Variants in ACSF2 observed in about 807,000 individuals in gnomAD.
ACSF2 encodes the protein medium-chain acyl-CoA ligase ACSF2, mitochondrial.
Under a neutral mutation model 79.3 loss-of-function variants are expected in ACSF2, and 52 were observed. That is an observed-to-expected ratio of 0.66 (90% CI 0.53 to 0.83). The LOEUF is 0.83. Ranked by LOEUF, ACSF2 falls within the 40% of genes least tolerant of loss-of-function variation. The probability of loss-of-function intolerance (pLI) is 0.00; values close to 1 mark genes in which losing one functional copy is unlikely to be tolerated. For synonymous variants in ACSF2, 283 were observed against 312.6 expected (o/e 0.91, Z 1.00); for missense variants, 661 against 803.3 (o/e 0.82, Z 2.14).
Position 50,474,791 on chromosome 17 carries a change from C to T in ACSF2, c.*239C>T, listed in dbSNP as rs551801289. 348 of 546,814 alleles carry T rather than the reference C, an allele frequency of 6.4e-4. 1 individual carries two copies. Among genetic ancestry groups the T allele is most frequent in the Non-Finnish European group, 1.1e-3 (329 of 308,888 alleles). The allele number at this position is 546,814 out of a possible 1,614,324, so 33.9% of individuals were successfully genotyped here. ...CCTCCTGTCCATCCCCCACATTCCC[C>T]TGTCTGTCCTTGTGATTTGGCATAA... On this transcript the variant is annotated 3_prime_UTR_variant, in exon 16 of 16. Coordinates refer to ENST00000300441, the MANE Select transcript of ACSF2 (RefSeq NM_025149.6). The surrounding 1 kb of genome is among the most constrained non-coding windows in gnomAD (Gnocchi z 4.2).
At chr17:50,432,897 G>A (rs533870647) in intron 1 of ACSF2, among the ~76,000 whole-genome samples, 1 of 152,318 alleles carries the variant, frequency 6.6e-6, no homozygotes, top group African/African-American at 2.4e-5. Flanking sequence ...AGAGGCTGGA[G>A]TTTGAGCCTG....
At position 50,474,016 on chromosome 17, in the gene ACSF2, C is replaced by T. The variant is rs371382988; in HGVS notation, c.1728+12C>T. The stretch of plus-strand genomic sequence containing the variant: ...TCTGCAAAGGGAAGGTGGGAGCCTC[C>T]GCTCAACCTAGCTGATGCTGCTCTG... On this transcript the variant is annotated intron_variant, in intron 14 of 15. Coordinates refer to ENST00000300441, the MANE Select transcript of ACSF2 (RefSeq NM_025149.6). This position sits in a 1 kb window ranked among gnomAD's most constrained non-coding sequence, Gnocchi z 4.2. 1.1e-4 allele frequency: 167 copies of T among 1,519,622 alleles called. No individual in the cohort carries two copies. The highest frequency in any genetic ancestry group is 5.7e-4 in the South Asian group (44 of 76,604). The allele number at this position is 1,519,622 out of a possible 1,614,324, so 94.1% of individuals were successfully genotyped here. A position where few individuals can be genotyped will look rare whatever the true frequency, so the allele number is the denominator to read the frequency against.
In ACSF2 at chr17:50,463,585, G is replaced by A. The variant is rs750482106; in HGVS notation, c.1046+33G>A. 1.2e-6 allele frequency: 2 copies of A among 1,608,120 alleles called. No homozygotes were observed. The highest frequency in any genetic ancestry group is 1.7e-6 in the Non-Finnish European group (2 of 1,176,616). ...CTGGTGGACAGGCTACTTGTGGGCT[G>A]ATAAAACCCTCTTCTTCCTCACTCC... On this transcript the variant is annotated intron_variant, in intron 8 of 15. Coordinates refer to ENST00000300441, the MANE Select transcript of ACSF2 (RefSeq NM_025149.6). The surrounding 1 kb of genome is among the most constrained non-coding windows in gnomAD (Gnocchi z 4.6).
intron 10 of ACSF2, chr17:50,469,082 GC>G: frequency 8.2e-7 from 1 of 1,225,638 alleles, no homozygotes; most frequent in Non-Finnish European, 1.0e-6. Context: ...TGGCCCCCGA[GC>G]CCCGAGCCCT....
At chr17:50,461,126 G>A in intron 2 of ACSF2, 116 bp from the exon 3 acceptor site, 1 of 1,487,030 alleles carries the variant, frequency 6.7e-7, no homozygotes, top group Non-Finnish European at 9.1e-7. Context: ...GAATCTGCCT[G>A]TCCCTTTGTC....
In ACSF2 at chr17:50,471,932, C is replaced by T. The variant is rs980649991; in HGVS notation, c.1324-496C>T. Among the ~76,000 whole-genome samples the T allele has an allele frequency of 1.3e-5, 2 of 152,144 alleles. No individual in the cohort carries two copies. Among genetic ancestry groups the T allele is most frequent in the Non-Finnish European group, 2.9e-5 (2 of 68,018 alleles). On this transcript the variant is annotated intron_variant, in intron 11 of 15. Coordinates refer to ENST00000300441, the MANE Select transcript of ACSF2 (RefSeq NM_025149.6). This position sits in a 1 kb window ranked among gnomAD's most constrained non-coding sequence, Gnocchi z 4.1. ...GGCAGGCATCACTCACCCCATTTCACGGACACAGACACTGAGGCACACAGA... is the reference window on the plus strand; with the variant it reads ...GGCAGGCATCACTCACCCCATTTCATGGACACAGACACTGAGGCACACAGA...
Position 50,474,416 on chromosome 17 carries a change from G to A in ACSF2, c.1798-86G>A. ...CCTGGTTTGCCTGGGGACTTTCCCT[G>A]TTTTGGCACTAAGAGCCTGAGAAAC... On this transcript the variant is annotated intron_variant, in intron 15 of 15. Transcript: ENST00000300441. The surrounding 1 kb of genome is among the most constrained non-coding windows in gnomAD (Gnocchi z 4.2). 1 of 1,540,284 alleles carries A rather than the reference G, an allele frequency of 6.5e-7. No homozygotes were observed. Among genetic ancestry groups the A allele is most frequent in the South Asian group, 1.1e-5 (1 of 89,220 alleles).
chr17:50,448,262 G>A (rs905692574), intron 1 of ACSF2, among the ~76,000 whole-genome samples: 3 of 152,162 alleles, frequency 2.0e-5, no homozygotes, highest in Non-Finnish European at 2.9e-5. Flanking sequence ...ATATCTAAAC[G>A]TAGAAAAGGT....
At chr17:50,464,355 C>A in intron 10 of ACSF2, 61 bp downstream of exon 10, 1 of 1,514,266 alleles carries the variant, frequency 6.6e-7, no homozygotes, top group Non-Finnish European at 9.2e-7. Context: ...AGCAGATGGA[C>A]AGACATGGGG....
rs1384930857 is a variant in ACSF2, at chr17:50,463,736, C to T, written c.1047-82C>T. 2 of 1,518,942 alleles carry T rather than the reference C, an allele frequency of 1.3e-6. No individual in the cohort carries two copies. The highest frequency in any genetic ancestry group is 2.7e-5 in the African/African-American group (2 of 72,946). The allele number at this position is 1,518,942 out of a possible 1,614,324, so 94.1% of individuals were successfully genotyped here. A position where few individuals can be genotyped will look rare whatever the true frequency, so the allele number is the denominator to read the frequency against. ...GAGCTTCTCCTGCCTATTCCCTTTG[C>T]TGCAGTTTCATGGCGGGGTGGGTGA... On this transcript the variant is annotated intron_variant, in intron 8 of 15. Coordinates refer to ENST00000300441, the MANE Select transcript of ACSF2 (RefSeq NM_025149.6). The surrounding 1 kb of genome is among the most constrained non-coding windows in gnomAD (Gnocchi z 4.6).
At chr17:50,466,235 C>T (rs766175405) in intron 10 of ACSF2, among the ~76,000 whole-genome samples, 16 of 151,056 alleles carry the variant, frequency 1.1e-4, no homozygotes, top group East Asian at 1.9e-4. Flanking sequence ...TACAAGTGCC[C>T]GCCACCATGC....
At chr17:50,472,278 C>T (rs2143809178) in intron 11 of ACSF2, 150 bp from the exon 12 acceptor site, 1 of 886,542 alleles carries the variant, frequency 1.1e-6, no homozygotes, top group East Asian at 3.0e-5. Flanking sequence ...TGTCTCCCTT[C>T]TCTGGATGGG....
Position 50,471,475 on chromosome 17 carries a change from C to A in ACSF2, c.1323+340C>A. 1 of 328,302 alleles carries A rather than the reference C, an allele frequency of 3.0e-6. No individual in the cohort carries two copies. Among genetic ancestry groups the A allele is most frequent in the East Asian group, 6.1e-5 (1 of 16,352 alleles). The allele number at this position is 328,302 out of a possible 1,614,324, so 20.3% of individuals were successfully genotyped here. A position where few individuals can be genotyped will look rare whatever the true frequency, so the allele number is the denominator to read the frequency against. On this transcript the variant is annotated intron_variant, in intron 11 of 15. Coordinates refer to ENST00000300441, the MANE Select transcript of ACSF2 (RefSeq NM_025149.6). This position sits in a 1 kb window ranked among gnomAD's most constrained non-coding sequence, Gnocchi z 4.1. ...CCAGAGCACAGAGAGTTTTCCTACACAGCTTCTTTTCCTCCAGTGGTGCTC... is the reference window on the plus strand; with the variant it reads ...CCAGAGCACAGAGAGTTTTCCTACAAAGCTTCTTTTCCTCCAGTGGTGCTC...
chr17:50,456,166 G>GC (rs1438636859), intron 1 of ACSF2, among the ~76,000 whole-genome samples: 1 of 152,060 alleles, frequency 6.6e-6, no homozygotes, highest in Non-Finnish European at 1.5e-5. Context: ...TGCCTGACAC[G>GC]CCCCAACCCC....
chr17:50,450,055 C>G (rs1463606463), intron 1 of ACSF2: 2 of 152,152 alleles, frequency 1.3e-5, no homozygotes, highest in Non-Finnish European at 2.9e-5. Context: ...TGGAGGCCTT[C>G]TTGCATATAT....
At chr17:50,466,063 G>A (rs2032689245) in intron 10 of ACSF2, among the ~76,000 whole-genome samples, 1 of 149,960 alleles carries the variant, frequency 6.7e-6, no homozygotes, top group South Asian at 2.1e-4. Context: ...GAGACAGATG[G>A]TGTTATTTTC....
chr17:50,444,107 T>A (rs1265509811), intron 1 of ACSF2, among the ~76,000 whole-genome samples: 1 of 152,196 alleles, frequency 6.6e-6, no homozygotes, highest in Non-Finnish European at 1.5e-5. Context: ...GATTACTGAT[T>A]TGTTCTATTT....
In ACSF2 at chr17:50,462,520, G is replaced by C. The variant is rs528153231; in HGVS notation, c.727G>C (p.Asp243His). 1.2e-6 allele frequency: 2 copies of C among 1,613,740 alleles called. No individual in the cohort carries two copies. The highest frequency in any genetic ancestry group is 2.2e-5 in the East Asian group (1 of 44,872). ...VAAGSTRQHL[D>H]QLQYNQQFLS... Reference sequence around the variant, plus strand: ...GGCTGGCAGCACACGGCAGCATCTGGACCAGCTCCAATACAACCAGCAGTT... The same window carrying C: ...GGCTGGCAGCACACGGCAGCATCTGCACCAGCTCCAATACAACCAGCAGTT... The change falls in exon 6 of 16, where the codon GAC becomes CAC. Residue 243 changes from aspartate (D) to histidine (H), a missense_variant. Asp to His is a moderately conservative substitution (Grantham distance 81, BLOSUM62 -1). Coordinates refer to ENST00000300441, the MANE Select transcript of ACSF2 (RefSeq NM_025149.6).
At chr17:50,457,077 A>G (rs1311811111) in intron 1 of ACSF2, among the ~76,000 whole-genome samples, 1 of 151,774 alleles carries the variant, frequency 6.6e-6, no homozygotes, top group Non-Finnish European at 1.5e-5. Context: ...AGACAAACAG[A>G]CAAACAATAA....
Sources: gnomAD v4.1 joint callset for allele counts (sites outside exome capture counted in the v4.1 genomes callset) on GRCh38, gnomAD v4.1.1 for gene constraint, Gnocchi (gnomAD v3.1) non-coding constraint, MANE v1.5 for transcripts, NCBI Gene and HGNC (gene_info 2026-07-23, HGNC 2026-07-21) for gene names.